Variants in CAMK4 observed in about 807,000 individuals in gnomAD.
CAMK4 encodes calcium/calmodulin dependent protein kinase IV.
A neutral mutation model predicts 44.9 loss-of-function variants in CAMK4; 22 were observed. The observed-to-expected ratio is 0.49, with a 90% CI of 0.35 to 0.70. The LOEUF (loss-of-function observed/expected upper bound fraction) is 0.70, where lower values mean the gene tolerates loss of function less well. Ranked by LOEUF, CAMK4 falls within the 30% of genes least tolerant of loss-of-function variation. The pLI is 0.01. For missense variants in CAMK4, 498 were observed against 586.8 expected (o/e 0.85, Z 1.56); for synonymous variants, 218 against 215.4 (o/e 1.01, Z -0.11).
intron 5 of CAMK4, among the ~76,000 whole-genome samples, chr5:111,426,399 C>T (rs1036098995): frequency 1.3e-5 from 2 of 152,108 alleles, no homozygotes; most frequent in South Asian, 4.1e-4. Context: ...CCAAAAATTA[C>T]ACTGTGAACA....
intron 5 of CAMK4, 102 bp from the exon 6 acceptor site, chr5:111,446,584 G>A: frequency 1.5e-6 from 1 of 655,130 alleles, no homozygotes; most frequent in Non-Finnish European, 2.7e-6. Flanking sequence ...TACTATGTGT[G>A]TTCTTGAATC....
intron 4 of CAMK4, among the ~76,000 whole-genome samples, chr5:111,382,094 T>G (rs1393970256): frequency 2.0e-5 from 3 of 152,196 alleles, no homozygotes; most frequent in Non-Finnish European, 4.4e-5. Flanking sequence ...ATCCATGATG[T>G]ATTGATTGGT....
rs1221247645 is a variant in CAMK4 at position 111,487,972 on chromosome 5, T to TA, written c.*3509dup. 1 of 152,218 alleles carries TA rather than the reference T, an allele frequency of 6.6e-6. No homozygotes were observed. Among genetic ancestry groups the TA allele is most frequent in the Non-Finnish European group, 1.5e-5 (1 of 68,036 alleles). 9.4% of individuals were successfully genotyped at this position (152,218 alleles called of 1,614,324 possible). A position where few individuals can be genotyped will look rare whatever the true frequency, so the allele number is the denominator to read the frequency against. ...CATGACTTCAAAGAACGGGCATTAC[T>TA]AAATTATCTACTGACCAATCCCTCT... is the stretch of plus-strand genomic sequence containing the variant. On this transcript the variant is annotated 3_prime_UTR_variant, in exon 11 of 11. Coordinates refer to ENST00000282356, the MANE Select transcript of CAMK4 (RefSeq NM_001744.6).
At chr5:111,256,968 A>T (rs944742821) in intron 1 of CAMK4, among the ~76,000 whole-genome samples, 3 of 152,188 alleles carry the variant, frequency 2.0e-5, no homozygotes, top group Non-Finnish European at 4.4e-5. Context: ...TTGAAACTGG[A>T]TCTTTTCTTT....
intron 7 of CAMK4, among the ~76,000 whole-genome samples, chr5:111,454,089 A>AAT (rs1442370172): frequency 6.6e-6 from 1 of 152,186 alleles, no homozygotes; most frequent in East Asian, 1.9e-4. Flanking sequence ...AAAACATCAT[A>AAT]ATATATATAA....
At position 111,224,488 on chromosome 5, in the gene CAMK4, T is replaced by A; in HGVS notation, c.5T>A (p.Leu2His). The change falls in exon 1 of 11, where the codon CTC becomes CAC. Residue 2 changes from leucine (L) to histidine (H), a missense_variant. Physicochemically the swap from Leu to His is moderately conservative, Grantham distance 99. Coordinates refer to ENST00000282356, the MANE Select transcript of CAMK4 (RefSeq NM_001744.6). The surrounding 1 kb of genome is among the most constrained non-coding windows in gnomAD (Gnocchi z 5.7). The stretch of plus-strand genomic sequence containing the variant: ...TTCCGGAGTCCCGCTGCGAAGATGC[T>A]CAAAGTCACGGTGCCCTCCTGCTCC... M[L>H]KVTVPSCSAS... 6.2e-7 allele frequency: 1 copy of A among 1,602,978 alleles called. No homozygotes were observed. Among genetic ancestry groups the A allele is most frequent in the Non-Finnish European group, 8.5e-7 (1 of 1,176,356 alleles).
At chr5:111,475,272 A>G (rs1323033043) in intron 8 of CAMK4, among the ~76,000 whole-genome samples, 1 of 152,190 alleles carries the variant, frequency 6.6e-6, no homozygotes, top group African/African-American at 2.4e-5. Context: ...TAAAGTATAA[A>G]TATACCCAAT....
At chr5:111,438,931 A>T (rs918766163) in intron 5 of CAMK4, among the ~76,000 whole-genome samples, 4 of 152,200 alleles carry the variant, frequency 2.6e-5, no homozygotes, top group Non-Finnish European at 5.9e-5. Context: ...GCCTTGAAAA[A>T]TCAGAAGAGC....
intron 2 of CAMK4, among the ~76,000 whole-genome samples, chr5:111,372,622 C>T (rs1332121915): frequency 6.6e-6 from 1 of 152,116 alleles, no homozygotes. Flanking sequence ...TTCCCAGTTA[C>T]ATGTGCCAAT....
chr5:111,413,568 C>A (rs1366215704), intron 5 of CAMK4, among the ~76,000 whole-genome samples: 4 of 130,578 alleles, frequency 3.1e-5, no homozygotes, highest in Non-Finnish European at 6.5e-5. Context: ...CAGAGCAACA[C>A]TCCATCTCAA....
intron 1 of CAMK4, among the ~76,000 whole-genome samples, chr5:111,227,440 G>A (rs533431713): frequency 6.6e-6 from 1 of 152,304 alleles, no homozygotes; most frequent in African/African-American, 2.4e-5. Flanking sequence ...TGCTGTTGTG[G>A]TTAGCTCTAG....
chr5:111,402,753 G>A (rs1051425836), intron 5 of CAMK4, among the ~76,000 whole-genome samples: 1 of 152,166 alleles, frequency 6.6e-6, no homozygotes, highest in Non-Finnish European at 1.5e-5. Flanking sequence ...GGAGACTCAA[G>A]GGAAGAAAAG....
chr5:111,296,081 A>G (rs1417907760), intron 1 of CAMK4, among the ~76,000 whole-genome samples: 2 of 152,216 alleles, frequency 1.3e-5, no homozygotes, highest in Non-Finnish European at 2.9e-5. Context: ...GAAAACAAAA[A>G]CAAGTAATAG....
At chr5:111,270,209 T>C (rs900464386) in intron 1 of CAMK4, 1 of 152,220 alleles carries the variant, frequency 6.6e-6, no homozygotes, top group African/African-American at 2.4e-5. Context: ...ACATGTTAAC[T>C]CTGTTACAAA....
At chr5:111,387,405 T>G (rs1183288053) in intron 4 of CAMK4, among the ~76,000 whole-genome samples, 1 of 152,220 alleles carries the variant, frequency 6.6e-6, no homozygotes, top group Non-Finnish European at 1.5e-5. Flanking sequence ...GAATTTAAAT[T>G]ACTTTGATTT....
In CAMK4 at chr5:111,489,824, T is replaced by C. The variant is rs1422295773; in HGVS notation, c.*5358T>C. On this transcript the variant is annotated 3_prime_UTR_variant, in exon 11 of 11. Transcript: ENST00000282356. ...GAGATTCCACCAGTGGGTTACTCTT[T>C]TCTTGTCTTGGTTTGCTATGCCTTA... 6.6e-6 allele frequency: 1 copy of C among 152,244 alleles called. No individual in the cohort carries two copies. Among genetic ancestry groups the C allele is most frequent in the Non-Finnish European group, 1.5e-5 (1 of 68,056 alleles). The allele number at this position is 152,244 out of a possible 1,614,324, so 9.4% of individuals were successfully genotyped here.
At chr5:111,295,224 A>C (rs539784692) in intron 1 of CAMK4, among the ~76,000 whole-genome samples, 87 of 152,314 alleles carry the variant, frequency 5.7e-4, no homozygotes, top group African/African-American at 2.1e-3. Context: ...TCTGCAGAGG[A>C]ATAAACAGTG....
chr5:111,406,424 A>G (rs781558989), intron 5 of CAMK4, among the ~76,000 whole-genome samples: 7 of 151,970 alleles, frequency 4.6e-5, no homozygotes, highest in Non-Finnish European at 8.8e-5. Context: ...AGGTTTCACC[A>G]TGTTGGCCAG....
rs1754491560 is a variant in CAMK4 at position 111,458,300 on chromosome 5, G to A, written c.625+9097G>A. ...CTTGTTCTTGATCATGGAGAGGAAAGGGACTCTGCAGGTTGGGCATGAGCT... is the reference window on the plus strand; with the variant it reads ...CTTGTTCTTGATCATGGAGAGGAAAAGGACTCTGCAGGTTGGGCATGAGCT... On this transcript the variant is annotated intron_variant, in intron 7 of 10. Transcript: ENST00000282356. Among the ~76,000 whole-genome samples, 5 of 152,230 alleles carry A rather than the reference G, an allele frequency of 3.3e-5. 1 individual carries two copies. In the South Asian group the frequency reaches 6.2e-4, roughly 19 times the overall value.
Sources: allele counts gnomAD v4.1 joint callset (sites outside exome capture counted in the v4.1 genomes callset), GRCh38; gene constraint gnomAD v4.1.1; non-coding constraint Gnocchi (gnomAD v3.1); transcripts MANE v1.5; gene names NCBI Gene and HGNC (gene_info 2026-07-23, HGNC 2026-07-21).